The following RAD9B variants were observed in gnomAD, a reference collection of about 807,000 sequenced individuals.
RAD9B encodes cell cycle checkpoint control protein RAD9B.
RAD9B carries 41 observed loss-of-function variants against 48.3 expected under a neutral mutation model. The ratio of observed to expected loss-of-function variants is 0.85; its 90% CI spans 0.66 to 1.10. RAD9B has a LOEUF of 1.10. Among genes scored for constraint, RAD9B ranks in the 50% least tolerant of loss-of-function variants. The probability of loss-of-function intolerance (pLI) is 0.00; values close to 1 mark genes in which losing one functional copy is unlikely to be tolerated. For synonymous variants in RAD9B, 160 were observed against 157.9 expected (o/e 1.01, Z -0.10); for missense variants, 444 against 485.1 (o/e 0.92, Z 0.80).
Position 110,530,888 on chromosome 12 carries a change from G to A in RAD9B, c.*235G>A. The A allele has an allele frequency of 8.0e-7, 1 of 1,245,992 alleles. No individual in the cohort carries two copies. The highest frequency in any genetic ancestry group is 1.0e-6 in the Non-Finnish European group (1 of 989,176). The allele number at this position is 1,245,992 out of a possible 1,614,324, so 77.2% of individuals were successfully genotyped here. A position where few individuals can be genotyped will look rare whatever the true frequency, so the allele number is the denominator to read the frequency against. The stretch of plus-strand genomic sequence containing the variant: ...TACTTGTGAGGCAGAAGAGTTTTCT[G>A]TGAAGGAAAAAAGCCCATTAGAGTT... On this transcript the variant is annotated 3_prime_UTR_variant, in exon 11 of 11. Coordinates refer to ENST00000409300, the MANE Select transcript of RAD9B (RefSeq NM_001286535.2).
chr12:110,524,109 A>G (rs143430413), intron 10 of RAD9B, among the ~76,000 whole-genome samples: 219 of 152,300 alleles, frequency 1.4e-3, no homozygotes, highest in African/African-American at 4.9e-3. Context: ...CCAAGGTTCA[A>G]ACCTCTCTCT....
intron 4 of RAD9B, chr12:110,507,938 C>T (rs1489787993): frequency 6.0e-6 from 1 of 166,454 alleles, no homozygotes. Context: ...GTGTGAACTA[C>T]CGCGCCTGGC....
chr12:110,507,461 A>AATATAAT (rs2063321199), intron 4 of RAD9B, among the ~76,000 whole-genome samples: 1 of 109,990 alleles, frequency 9.1e-6, no homozygotes, highest in African/African-American at 3.2e-5. Flanking sequence ...ACACGTATTA[A>AATATAAT]GTATAATATA....
At chr12:110,521,555 CTTTTTTT>C (rs577675171) in intron 9 of RAD9B, among the ~76,000 whole-genome samples, 1 of 126,610 alleles carries the variant, frequency 7.9e-6, no homozygotes, top group Non-Finnish European at 1.7e-5. Context: ...AAACATAATT[CTTTTTTT>C]TTTTTTTTTT....
At chr12:110,521,498 G>A (rs922316682) in intron 9 of RAD9B, among the ~76,000 whole-genome samples, 17 of 151,704 alleles carry the variant, frequency 1.1e-4, no homozygotes, top group African/African-American at 3.9e-4. Flanking sequence ...GAGCATATGC[G>A]GTTTTGGTAT....
At position 110,531,379 on chromosome 12, in the gene RAD9B, AC is replaced by A; in HGVS notation, c.*727del. ...GGCTAATTTCTGGTATTTTGTAGAG[AC>A]AGGGTTTCGCCATGTTGGCCAGGGT... On this transcript the variant is annotated 3_prime_UTR_variant, in exon 11 of 11. Transcript: ENST00000409300. The A allele has an allele frequency of 2.2e-6, 1 of 465,040 alleles. No individual in the cohort carries two copies. Among genetic ancestry groups the A allele is most frequent in the Non-Finnish European group, 3.7e-6 (1 of 269,322 alleles). The allele number at this position is 465,040 out of a possible 1,614,324, so 28.8% of individuals were successfully genotyped here.
At chr12:110,525,512 T>C (rs1340874295) in intron 10 of RAD9B, among the ~76,000 whole-genome samples, 1 of 152,200 alleles carries the variant, frequency 6.6e-6, no homozygotes, top group Admixed American at 6.5e-5. Context: ...TTAAACTATG[T>C]ATTTTTGGTA....
chr12:110,508,894 AG>A (rs2063372170), intron 4 of RAD9B, among the ~76,000 whole-genome samples: 1 of 152,178 alleles, frequency 6.6e-6, no homozygotes, highest in Non-Finnish European at 1.5e-5. Flanking sequence ...TCCCAGACTC[AG>A]GTGATCCTCC....
At chr12:110,525,304 T>C (rs892145735) in intron 10 of RAD9B, among the ~76,000 whole-genome samples, 7 of 152,002 alleles carry the variant, frequency 4.6e-5, no homozygotes, top group African/African-American at 1.7e-4. Flanking sequence ...TTTTGTATTT[T>C]TAGTAGAGAC....
rs1484331052 is a variant in RAD9B at position 110,522,325 on chromosome 12, A to G, written c.1039A>G (p.Lys347Glu). The change falls in exon 10 of 11, where the codon AAA becomes GAA. Residue 347 changes from lysine to glutamate, a missense_variant. Coordinates refer to ENST00000409300, the MANE Select transcript of RAD9B (RefSeq NM_001286535.2). ...ALENCGSPAM[K>E]RVDGDVSEVS... ...GGAAAACTGTGGCAGCCCTGCAATG[A>G]AAAGAGTGGATGGAGATGTCAGTGA... 1.9e-6 allele frequency: 3 copies of G among 1,613,654 alleles called. No individual in the cohort carries two copies. The highest frequency in any genetic ancestry group is 2.5e-6 in the Non-Finnish European group (3 of 1,179,826).
intron 4 of RAD9B, among the ~76,000 whole-genome samples, chr12:110,508,336 T>C (rs562888994): frequency 6.6e-6 from 1 of 152,302 alleles, no homozygotes; most frequent in South Asian, 2.1e-4. Context: ...TTGTTAGTGA[T>C]TGCTGTTACT....
chr12:110,519,409 TTTGTTGTTG>T (rs200200978), intron 8 of RAD9B, among the ~76,000 whole-genome samples: 198 of 116,782 alleles, frequency 1.7e-3, no homozygotes, highest in African/African-American at 5.6e-3. Flanking sequence ...CGGCCTACTG[TTTGTTGTTG>T]TTGTTGTTGT....
intron 10 of RAD9B, 93 bp from the exon 11 acceptor site, chr12:110,530,432 T>A: frequency 9.0e-7 from 1 of 1,110,486 alleles, no homozygotes. Context: ...GATATAATAC[T>A]GGTCAGGTTT....
Position 110,503,882 on chromosome 12 carries a change from TA to T in RAD9B, c.117+8del. 6.5e-7 allele frequency: 1 copy of T among 1,538,292 alleles called. No homozygotes were observed. On this transcript the variant is annotated splice_region_variant and intron_variant, in intron 2 of 10. Transcript: ENST00000409300. Reference sequence around the variant, plus strand: ...TAGACCCATCTAAAAAAGGTGTAAGTAAGAAAGTTAACAGATCACGTATCAA... The same window carrying T: ...TAGACCCATCTAAAAAAGGTGTAAGTAGAAAGTTAACAGATCACGTATCAA...
At chr12:110,514,512 C>G (rs1039472079) in intron 5 of RAD9B, among the ~76,000 whole-genome samples, 1 of 152,146 alleles carries the variant, frequency 6.6e-6, no homozygotes. Flanking sequence ...CTCAATAAAA[C>G]TGTTTTTGAA....
At chr12:110,530,375 TAATG>T (rs149557420) in intron 10 of RAD9B, 146 bp from the exon 11 acceptor site, 72,040 of 730,614 alleles carry the variant, frequency 0.099, 4,784 homozygotes, top group African/African-American at 0.27. Context: ...GTTGGACCAA[TAATG>T]AAGGTTCTGG....
At chr12:110,513,021 A>G (rs1309555772) in intron 5 of RAD9B, 143 bp downstream of exon 5, 1 of 556,234 alleles carries the variant, frequency 1.8e-6, no homozygotes, top group South Asian at 2.0e-5. Context: ...GCTGGAGTGC[A>G]GTGGCGCGAT....
chr12:110,525,473 G>T (rs935324666), intron 10 of RAD9B, among the ~76,000 whole-genome samples: 4 of 152,070 alleles, frequency 2.6e-5, no homozygotes, highest in African/African-American at 4.8e-5. Context: ...CTAACTTTGG[G>T]TTTTTTCTGT....
At position 110,533,050 on chromosome 12, in the gene RAD9B, C is replaced by T. The variant is rs962100567; in HGVS notation, c.*2397C>T. ...GTTCTATAATTTACATTTAATTGTC[C>T]GTCCATTTTGATGAATTTCTGAGGA... On this transcript the variant is annotated 3_prime_UTR_variant, in exon 11 of 11. Coordinates refer to ENST00000409300, the MANE Select transcript of RAD9B (RefSeq NM_001286535.2). Among the ~76,000 whole-genome samples the T allele has an allele frequency of 2.0e-5, 3 of 152,118 alleles. No individual in the cohort carries two copies. Among genetic ancestry groups the T allele is most frequent in the African/African-American group, 4.8e-5 (2 of 41,410 alleles).
Sources: gnomAD v4.1 joint callset for allele counts (sites outside exome capture counted in the v4.1 genomes callset) on GRCh38, gnomAD v4.1.1 for gene constraint, MANE v1.5 for transcripts, NCBI Gene and HGNC (gene_info 2026-07-23, HGNC 2026-07-21) for gene names.